Variants in CLNS1A observed in about 807,000 individuals in gnomAD.
The protein encoded by CLNS1A is chloride nucleotide-sensitive channel 1A.
CLNS1A carries 16 observed loss-of-function variants against 29.4 expected under a neutral mutation model. The ratio of observed to expected loss-of-function variants is 0.54; its 90% confidence interval spans 0.37 to 0.83. CLNS1A has a LOEUF of 0.83. Ranked by LOEUF, CLNS1A falls within the 40% of genes least tolerant of loss-of-function variation. CLNS1A has a pLI of 0.00. For missense variants in CLNS1A, 235 were observed against 287.4 expected (o/e 0.82, Z 1.32); for synonymous variants, 96 against 104.8 (o/e 0.92, Z 0.51).
chr11:77,623,586 T>C (rs1177700707), intron 4 of CLNS1A, among the ~76,000 whole-genome samples: 2 of 149,412 alleles, frequency 1.3e-5, no homozygotes, highest in Middle Eastern at 6.8e-3. Context: ...AGTTAGACCC[T>C]GTTTAAAAAA....
At chr11:77,628,462 C>T (rs1959043200) in intron 2 of CLNS1A, among the ~76,000 whole-genome samples, 1 of 152,150 alleles carries the variant, frequency 6.6e-6, no homozygotes, top group Non-Finnish European at 1.5e-5. Context: ...TTTTACTTTT[C>T]CTCATCCTCT....
At chr11:77,620,619 C>CAA (rs1209903658) in intron 5 of CLNS1A, among the ~76,000 whole-genome samples, 3 of 149,724 alleles carry the variant, frequency 2.0e-5, no homozygotes, top group African/African-American at 7.4e-5. Context: ...GCCAACATGG[C>CAA]AAAACCCCAT....
intron 5 of CLNS1A, among the ~76,000 whole-genome samples, chr11:77,621,216 C>T (rs889273930): frequency 6.6e-6 from 1 of 151,868 alleles, no homozygotes; most frequent in African/African-American, 2.4e-5. Flanking sequence ...TCACTTGAAC[C>T]TGGGAGGCAG....
Position 77,622,737 on chromosome 11 carries a change from A to G in CLNS1A, c.473-64T>C. 4.7e-6 allele frequency: 6 copies of G among 1,276,284 alleles called. 1 individual carries two copies. Among genetic ancestry groups the G allele is most frequent in the Non-Finnish European group, 6.4e-6 (6 of 932,936 alleles). 79.1% of individuals were successfully genotyped at this position (1,276,284 alleles called of 1,614,324 possible). ...TTAGAAAAAACAAAATGGAATCAAT[A>G]ATATATCTGCCGCCAGCCTGGCCAA... On this transcript the variant is annotated intron_variant, in intron 4 of 6. Coordinates refer to ENST00000525428, the MANE Select transcript of CLNS1A (RefSeq NM_001293.3).
intron 1 of CLNS1A, among the ~76,000 whole-genome samples, chr11:77,634,465 C>T (rs1463388032): frequency 6.6e-6 from 1 of 152,026 alleles, no homozygotes; most frequent in Admixed American, 6.6e-5. Flanking sequence ...GTGGCTCATG[C>T]CTGTAATCCC....
chr11:77,633,412 T>G (rs991211903), intron 1 of CLNS1A, among the ~76,000 whole-genome samples: 8 of 152,246 alleles, frequency 5.3e-5, no homozygotes, highest in Non-Finnish European at 1.0e-4. Flanking sequence ...GATTTGCATT[T>G]ACTCTTTGTA....
At chr11:77,630,089 C>T (rs1054632095) in intron 1 of CLNS1A, among the ~76,000 whole-genome samples, 190 bp from the exon 2 acceptor site, 4 of 152,032 alleles carry the variant, frequency 2.6e-5, no homozygotes, top group African/African-American at 4.8e-5. Flanking sequence ...AATTCTGTTA[C>T]GGTCTCTTTC....
intron 5 of CLNS1A, 70 bp downstream of exon 5, chr11:77,622,430 T>G: frequency 2.6e-6 from 3 of 1,160,340 alleles, no homozygotes; most frequent in Non-Finnish European, 3.6e-6. Context: ...TTAAAAGAAC[T>G]TCTATTGACT....
At chr11:77,621,908 G>A (rs891905578) in intron 5 of CLNS1A, 2 of 452,376 alleles carry the variant, frequency 4.4e-6, no homozygotes, top group African/African-American at 4.0e-5. Context: ...AACTTCTGAG[G>A]CAGCAGAATG....
intron 4 of CLNS1A, among the ~76,000 whole-genome samples, chr11:77,624,386 C>T (rs1285449389): frequency 6.6e-6 from 1 of 152,178 alleles, no homozygotes; most frequent in African/African-American, 2.4e-5. Flanking sequence ...CATCCACTTC[C>T]CTATCTACCA....
chr11:77,633,779 C>A (rs1959096864), intron 1 of CLNS1A, among the ~76,000 whole-genome samples: 1 of 152,036 alleles, frequency 6.6e-6, no homozygotes, highest in Non-Finnish European at 1.5e-5. Context: ...ATTATTCATG[C>A]CTCTGTATCT....
rs1958970606 is a variant in CLNS1A at position 77,622,622 on chromosome 11, G to A, written c.524C>T (p.Ser175Phe). Residue 175 changes from serine to phenylalanine, a missense_variant, in exon 5 of 7, where the codon TCC becomes TTC. By Grantham distance (155) the Ser-to-Phe change is radical (BLOSUM62 -2). Transcript: ENST00000525428. ...GGCTTGGCCTTCTGCTGTTAGATGGGATAATCCTTCTTCATAGGTGTAAAA... is the reference window on the plus strand; with the variant it reads ...GGCTTGGCCTTCTGCTGTTAGATGGAATAATCCTTCTTCATAGGTGTAAAA... ...PTFYTYEEGL[S>F]HLTAEGQATL... 6.2e-7 allele frequency: 1 copy of A among 1,612,958 alleles called. No individual in the cohort carries two copies. Among genetic ancestry groups the A allele is most frequent in the East Asian group, 2.2e-5 (1 of 44,864 alleles).
Position 77,637,776 on chromosome 11 carries a change from A to C in CLNS1A, c.-62T>G, listed in dbSNP as rs1396411682. Reference sequence around the variant, plus strand: ...TGGAGCACAGCAATGCGTGCACCACACCGCCCGCCCTGGAAGAGGCAGTCA... The same window carrying C: ...TGGAGCACAGCAATGCGTGCACCACCCCGCCCGCCCTGGAAGAGGCAGTCA... On this transcript the variant is annotated 5_prime_UTR_variant, in exon 1 of 7. Coordinates refer to ENST00000525428, the MANE Select transcript of CLNS1A (RefSeq NM_001293.3). 2 of 1,488,600 alleles carry C rather than the reference A, an allele frequency of 1.3e-6. No individual in the cohort carries two copies. Among genetic ancestry groups the C allele is most frequent in the Non-Finnish European group, 1.8e-6 (2 of 1,112,324 alleles). 92.2% of individuals were successfully genotyped at this position (1,488,600 alleles called of 1,614,324 possible). A position where few individuals can be genotyped will look rare whatever the true frequency, so the allele number is the denominator to read the frequency against.
At chr11:77,617,023 A>G (rs964283735) in intron 6 of CLNS1A, among the ~76,000 whole-genome samples, 7 of 152,154 alleles carry the variant, frequency 4.6e-5, no homozygotes, top group Non-Finnish European at 1.0e-4. Context: ...ACTACTCTTA[A>G]TTATTTATTC....
At chr11:77,618,312 CTGAAGTTGATATCAAAGGATTTCCCA>C (rs1303997018) in intron 6 of CLNS1A, among the ~76,000 whole-genome samples, 2 of 152,068 alleles carry the variant, frequency 1.3e-5, no homozygotes, top group African/African-American at 2.4e-5. Flanking sequence ...GGAAAGAATA[CTGAAGTTGATATCAAAGGATTTCCCA>C]TGAAGTAGAA....
intron 2 of CLNS1A, among the ~76,000 whole-genome samples, chr11:77,626,777 T>C (rs925154173): frequency 2.0e-5 from 3 of 149,692 alleles, no homozygotes; most frequent in Admixed American, 2.0e-4. Context: ...CTGCAAGCTC[T>C]GCCTCTTGGG....
chr11:77,628,968 T>G (rs1959047966), intron 2 of CLNS1A, among the ~76,000 whole-genome samples: 1 of 152,166 alleles, frequency 6.6e-6, no homozygotes. Flanking sequence ...TAGACACCAA[T>G]AATACCCTTC....
Position 77,636,583 on chromosome 11 carries a change from C to G in CLNS1A, c.125+1007G>C, listed in dbSNP as rs775848924. ...TGTAGTAGGCAGAATTTTGGCCCCACGACCTTCACTTTCTGGTGTCATGCG... is the reference window on the plus strand; with the variant it reads ...TGTAGTAGGCAGAATTTTGGCCCCAGGACCTTCACTTTCTGGTGTCATGCG... On this transcript the variant is annotated intron_variant, in intron 1 of 6. Transcript: ENST00000525428. Among the ~76,000 whole-genome samples the G allele has an allele frequency of 5.9e-5, 9 of 152,154 alleles. No individual in the cohort carries two copies. In the South Asian group the frequency reaches 1.7e-3, roughly 28 times the overall value.
chr11:77,626,965 G>A (rs1261926338), intron 2 of CLNS1A, among the ~76,000 whole-genome samples: 12 of 150,776 alleles, frequency 8.0e-5, no homozygotes, highest in Admixed American at 5.3e-4. Context: ...AAAGTGCTGG[G>A]ATTACAGGTG....
Sources: allele counts gnomAD v4.1 joint callset (sites outside exome capture counted in the v4.1 genomes callset), GRCh38; gene constraint gnomAD v4.1.1; transcripts MANE v1.5; gene names NCBI Gene and HGNC (gene_info 2026-07-23, HGNC 2026-07-21).